The following SNCB variants were observed in gnomAD, a reference collection of about 807,000 sequenced individuals.
SNCB encodes beta-synuclein.
A neutral mutation model predicts 20.0 loss-of-function variants in SNCB; 8 were observed. The observed-to-expected ratio is 0.40, with a 90% confidence interval of 0.24 to 0.72. The LOEUF is 0.72. Among genes scored for constraint, SNCB ranks in the 30% least tolerant of loss-of-function variants. The pLI, the probability that SNCB is intolerant of heterozygous loss-of-function variation, is 0.37. For synonymous variants in SNCB, 56 were observed against 65.4 expected (o/e 0.86, Z 0.69); for missense variants, 125 against 168.0 (o/e 0.74, Z 1.41).
chr5:176,628,902 A>G (rs1277444048), intron 2 of SNCB, among the ~76,000 whole-genome samples: 1 of 152,204 alleles, frequency 6.6e-6, no homozygotes, highest in Non-Finnish European at 1.5e-5. Flanking sequence ...GATACCAGCC[A>G]GTGGTTGCAA....
rs1305434335 is a variant in SNCB, at chr5:176,629,967, T to C, written c.-9-304A>G. ...TCGGCGCGAATATCCAGGACCCGCC[T>C]GTACACGCACGGCACAGTCACACGG... On this transcript the variant is annotated intron_variant, in intron 1 of 5. Transcript: ENST00000393693. The surrounding 1 kb of genome is among the most constrained non-coding windows in gnomAD (Gnocchi z 4.1). 5.9e-6 allele frequency: 2 copies of C among 339,908 alleles called. No homozygotes were observed. The highest frequency in any genetic ancestry group is 1.1e-5 in the Non-Finnish European group (2 of 181,376). The allele number at this position is 339,908 out of a possible 1,614,324, so 21.1% of individuals were successfully genotyped here.
rs1487901494 is a variant in SNCB, at chr5:176,629,280, T to G, written c.121+254A>C. Among the ~76,000 whole-genome samples, 1 of 152,150 alleles carries G rather than the reference T, an allele frequency of 6.6e-6. No homozygotes were observed. Among genetic ancestry groups the G allele is most frequent in the East Asian group, 1.9e-4 (1 of 5,188 alleles). On this transcript the variant is annotated intron_variant, in intron 2 of 5. Transcript: ENST00000393693. The surrounding 1 kb of genome is among the most constrained non-coding windows in gnomAD (Gnocchi z 4.1). ...AGATAAGAAAAAGGAGGCTGTCTGCTTTCATCACTGCACTGGTCCCTGGCC... is the reference window on the plus strand; with the variant it reads ...AGATAAGAAAAAGGAGGCTGTCTGCGTTCATCACTGCACTGGTCCCTGGCC...
In SNCB at chr5:176,626,561, G is replaced by T. The variant is rs1217058851; in HGVS notation, c.164-45C>A. The T allele has an allele frequency of 1.3e-6, 2 of 1,545,396 alleles. No homozygotes were observed. Among genetic ancestry groups the T allele is most frequent in the Non-Finnish European group, 8.9e-7 (1 of 1,117,522 alleles). On this transcript the variant is annotated intron_variant, in intron 3 of 5. Transcript: ENST00000393693. The surrounding 1 kb of genome is among the most constrained non-coding windows in gnomAD (Gnocchi z 4.2). ...GAGGAAGGGGTTTGGGAGCCAGGGG[G>T]AAACACCGATGCCCTGCCTTGTAGT...
chr5:176,629,778 T>A lies in SNCB; in HGVS notation c.-9-115A>T. ...GAGACCGCGGCGCCCTTCTGGACCCTGAGCCCCCTCCCGCTTTCCCCCCAT... is the reference window on the plus strand; with the variant it reads ...GAGACCGCGGCGCCCTTCTGGACCCAGAGCCCCCTCCCGCTTTCCCCCCAT... On this transcript the variant is annotated intron_variant, in intron 1 of 5. Transcript: ENST00000393693. This position sits in a 1 kb window ranked among gnomAD's most constrained non-coding sequence, Gnocchi z 4.1. The A allele has an allele frequency of 7.2e-7, 1 of 1,382,784 alleles. No individual in the cohort carries two copies. The highest frequency in any genetic ancestry group is 9.7e-7 in the Non-Finnish European group (1 of 1,034,662). The allele number at this position is 1,382,784 out of a possible 1,614,324, so 85.7% of individuals were successfully genotyped here.
In SNCB at chr5:176,620,345, C is replaced by G; in HGVS notation, c.*466G>C. 5.6e-6 allele frequency: 1 copy of G among 179,506 alleles called. No individual in the cohort carries two copies. Among genetic ancestry groups the G allele is most frequent in the Non-Finnish European group, 1.2e-5 (1 of 84,330 alleles). The allele number at this position is 179,506 out of a possible 1,614,324, so 11.1% of individuals were successfully genotyped here. On this transcript the variant is annotated 3_prime_UTR_variant, in exon 6 of 6. Coordinates refer to ENST00000393693, the MANE Select transcript of SNCB (RefSeq NM_003085.5). This position sits in a 1 kb window ranked among gnomAD's most constrained non-coding sequence, Gnocchi z 4.5. ...GACGCCCGCGTTCGGACCGGGCCGG[C>G]TGGGATGGGGGGCGGGGGACATGGC...
At chr5:176,627,595 A>G (rs1219126084) in intron 2 of SNCB, among the ~76,000 whole-genome samples, 2 of 152,122 alleles carry the variant, frequency 1.3e-5, no homozygotes, top group African/African-American at 2.4e-5. Flanking sequence ...CCCGTCTGAC[A>G]ATTTGGCAAC....
chr5:176,621,169 C>A lies in SNCB; in HGVS notation c.372+45G>T, dbSNP rs375185934. The stretch of plus-strand genomic sequence containing the variant: ...CACCCCAGCTAGGGACGGCAGCAAT[C>A]ATCCTGGATTCCCAAAGTCCCGCCC... On this transcript the variant is annotated intron_variant, in intron 5 of 5. Transcript: ENST00000393693. This position sits in a 1 kb window ranked among gnomAD's most constrained non-coding sequence, Gnocchi z 4.1. 3.3e-5 allele frequency: 49 copies of A among 1,470,036 alleles called. No individual in the cohort carries two copies. In the African/African-American group the frequency reaches 5.9e-4, roughly 18 times the overall value. The allele number at this position is 1,470,036 out of a possible 1,614,324, so 91.1% of individuals were successfully genotyped here.
Position 176,629,875 on chromosome 5 carries a change from G to A in SNCB, c.-9-212C>T, listed in dbSNP as rs1760255760. 7 of 593,978 alleles carry A rather than the reference G, an allele frequency of 1.2e-5. No homozygotes were observed. Among genetic ancestry groups the A allele is most frequent in the South Asian group, 5.2e-5 (2 of 38,750 alleles). The allele number at this position is 593,978 out of a possible 1,614,324, so 36.8% of individuals were successfully genotyped here. A position where few individuals can be genotyped will look rare whatever the true frequency, so the allele number is the denominator to read the frequency against. Reference sequence around the variant, plus strand: ...AGCGTCCTTGAAACCTGGGGACGCGGGAGGGGCCACTGCCTCGGTTATCCG... The same window carrying A: ...AGCGTCCTTGAAACCTGGGGACGCGAGAGGGGCCACTGCCTCGGTTATCCG... On this transcript the variant is annotated intron_variant, in intron 1 of 5. Coordinates refer to ENST00000393693, the MANE Select transcript of SNCB (RefSeq NM_003085.5). This position sits in a 1 kb window ranked among gnomAD's most constrained non-coding sequence, Gnocchi z 4.1.
Position 176,629,681 on chromosome 5 carries a change from C to T in SNCB, c.-9-18G>A. The T allele has an allele frequency of 1.9e-6, 3 of 1,610,722 alleles. No individual in the cohort carries two copies. Among genetic ancestry groups the T allele is most frequent in the Non-Finnish European group, 2.5e-6 (3 of 1,178,260 alleles). On this transcript the variant is annotated intron_variant, in intron 1 of 5. Transcript: ENST00000393693. This position sits in a 1 kb window ranked among gnomAD's most constrained non-coding sequence, Gnocchi z 4.1. ...CTGGCGGCCTGGGGAGGGCGATACA[C>T]GGGCACCGGTGCACTGGCCCCGCAC... is the stretch of plus-strand genomic sequence containing the variant.
chr5:176,629,955 C>T lies in SNCB; in HGVS notation c.-9-292G>A. ...GGAGTGCTGGGTTCGGCGCGAATAT[C>T]CAGGACCCGCCTGTACACGCACGGC... On this transcript the variant is annotated intron_variant, in intron 1 of 5. Coordinates refer to ENST00000393693, the MANE Select transcript of SNCB (RefSeq NM_003085.5). This position sits in a 1 kb window ranked among gnomAD's most constrained non-coding sequence, Gnocchi z 4.1. 2.8e-6 allele frequency: 1 copy of T among 363,630 alleles called. No homozygotes were observed. Among genetic ancestry groups the T allele is most frequent in the South Asian group, 3.3e-5 (1 of 30,606 alleles). 22.5% of individuals were successfully genotyped at this position (363,630 alleles called of 1,614,324 possible). A position where few individuals can be genotyped will look rare whatever the true frequency, so the allele number is the denominator to read the frequency against.
chr5:176,626,490 A>T lies in SNCB; in HGVS notation c.190T>A (p.Ser64Thr), dbSNP rs1759952175. 1 of 1,613,958 alleles carries T rather than the reference A, an allele frequency of 6.2e-7. No homozygotes were observed. Among genetic ancestry groups the T allele is most frequent in the Non-Finnish European group, 8.5e-7 (1 of 1,179,956 alleles). The change falls in exon 4 of 6, where the codon TCA becomes ACA. Residue 64 changes from serine (S) to threonine (T), a missense_variant. Physicochemically the swap from Ser to Thr is moderately conservative, Grantham distance 58. Coordinates refer to ENST00000393693, the MANE Select transcript of SNCB (RefSeq NM_003085.5). This position sits in a 1 kb window ranked among gnomAD's most constrained non-coding sequence, Gnocchi z 4.2. ...GAGAACACAGCTCCTCCCAGATGTG[A>T]GGCCTGTTCCTTGGTTTTTTCAGCC... Reference protein sequence around the residue: ...SVAEKTKEQASHLGGAVFSGA... With the variant: ...SVAEKTKEQATHLGGAVFSGA...
chr5:176,627,024 T>C (rs1270255596), intron 2 of SNCB, among the ~76,000 whole-genome samples: 1 of 152,192 alleles, frequency 6.6e-6, no homozygotes, highest in Non-Finnish European at 1.5e-5. Flanking sequence ...GCCAGTGCTG[T>C]GTCAAGTCCT....
chr5:176,624,974 G>A (rs929079998), intron 4 of SNCB, among the ~76,000 whole-genome samples: 2 of 152,142 alleles, frequency 1.3e-5, no homozygotes, highest in South Asian at 2.1e-4. Flanking sequence ...CCACAGCCTG[G>A]TGGATGCACT....
rs998259040 is a variant in SNCB at position 176,629,678 on chromosome 5, A to G, written c.-9-15T>C. The G allele has an allele frequency of 1.8e-5, 29 of 1,611,388 alleles. No individual in the cohort carries two copies. The highest frequency in any genetic ancestry group is 2.5e-5 in the Non-Finnish European group (29 of 1,178,652). On this transcript the variant is annotated splice_polypyrimidine_tract_variant and intron_variant, in intron 1 of 5. Transcript: ENST00000393693. The surrounding 1 kb of genome is among the most constrained non-coding windows in gnomAD (Gnocchi z 4.1). ...ATCCTGGCGGCCTGGGGAGGGCGATACACGGGCACCGGTGCACTGGCCCCG... is the reference window on the plus strand; with the variant it reads ...ATCCTGGCGGCCTGGGGAGGGCGATGCACGGGCACCGGTGCACTGGCCCCG...
chr5:176,625,040 C>T (rs1390648055), intron 4 of SNCB, among the ~76,000 whole-genome samples: 1 of 152,174 alleles, frequency 6.6e-6, no homozygotes, highest in Non-Finnish European at 1.5e-5. Context: ...AGCCCCCATC[C>T]CCATGGAGGC....
chr5:176,626,300 G>A lies in SNCB; in HGVS notation c.282+98C>T. ...GTTCCAAGCTGGTGGCAGGATTAGG[G>A]GGGCGGGGATGGTGACAGGTTTATT... On this transcript the variant is annotated intron_variant, in intron 4 of 5. Transcript: ENST00000393693. The surrounding 1 kb of genome is among the most constrained non-coding windows in gnomAD (Gnocchi z 4.2). The A allele has an allele frequency of 2.2e-6, 2 of 907,526 alleles. No homozygotes were observed. Among genetic ancestry groups the A allele is most frequent in the South Asian group, 2.6e-5 (2 of 76,936 alleles). The allele number at this position is 907,526 out of a possible 1,614,324, so 56.2% of individuals were successfully genotyped here.
At position 176,626,980 on chromosome 5, in the gene SNCB, G is replaced by A. The variant is rs562954089; in HGVS notation, c.122-219C>T. On this transcript the variant is annotated intron_variant, in intron 2 of 5. Coordinates refer to ENST00000393693, the MANE Select transcript of SNCB (RefSeq NM_003085.5). The surrounding 1 kb of genome is among the most constrained non-coding windows in gnomAD (Gnocchi z 4.2). ...GTTGCAGTTCTCTCCCACCTGATGCGATACCCCACCCCTCTAGTGGATGTT... is the reference window on the plus strand; with the variant it reads ...GTTGCAGTTCTCTCCCACCTGATGCAATACCCCACCCCTCTAGTGGATGTT... Among the ~76,000 whole-genome samples the A allele has an allele frequency of 6.6e-6, 1 of 152,144 alleles. No individual in the cohort carries two copies. The highest frequency in any genetic ancestry group is 1.5e-5 in the Non-Finnish European group (1 of 68,014).
rs748572635 is a variant in SNCB, at chr5:176,626,624, G to A, written c.163+96C>T. On this transcript the variant is annotated intron_variant, in intron 3 of 5. Transcript: ENST00000393693. This position sits in a 1 kb window ranked among gnomAD's most constrained non-coding sequence, Gnocchi z 4.2. ...GCCCTCCCCACGGAGCATTCCCGCA[G>A]AAGCCTTGGGAGTCTCCCCCGCCCC... 1 of 1,535,506 alleles carries A rather than the reference G, an allele frequency of 6.5e-7. No homozygotes were observed. The highest frequency in any genetic ancestry group is 1.1e-5 in the South Asian group (1 of 89,516).
intron 4 of SNCB, among the ~76,000 whole-genome samples, chr5:176,623,613 G>C (rs1308800490): frequency 6.6e-6 from 1 of 152,198 alleles, no homozygotes; most frequent in African/African-American, 2.4e-5. Context: ...GGGTCCTGGG[G>C]GGTAGTGTTC....
Sources: gnomAD v4.1 joint callset for allele counts (sites outside exome capture counted in the v4.1 genomes callset) on GRCh38, gnomAD v4.1.1 for gene constraint, Gnocchi (gnomAD v3.1) non-coding constraint, MANE v1.5 for transcripts, NCBI Gene and HGNC (gene_info 2026-07-23, HGNC 2026-07-21) for gene names.